Variants in MTARC2 observed in about 807,000 individuals in gnomAD.
MTARC2 encodes the protein MOCO sulphurase C-terminal domain containing 2.
Under a neutral mutation model 35.6 loss-of-function variants are expected in MTARC2, and 27 were observed. The ratio of observed to expected loss-of-function variants is 0.76; its 90% confidence interval spans 0.56 to 1.04. MTARC2 has a LOEUF of 1.04. Among genes scored for constraint, MTARC2 ranks in the 50% least tolerant of loss-of-function variants. The pLI, the probability that MTARC2 is intolerant of heterozygous loss-of-function variation, is 0.00. For missense variants in MTARC2, 412 were observed against 432.5 expected, an observed-to-expected ratio of 0.95 and a Z score of 0.42; for synonymous variants, 158 against 167.1, an observed-to-expected ratio of 0.95 and a Z score of 0.42.
rs1162908177 is a variant in MTARC2, at chr1:220,748,504, G to A, written c.-28G>A. On this transcript the variant is annotated 5_prime_UTR_variant, in exon 1 of 8. Transcript: ENST00000366913. ...TCTCCGGTCGCTGCCGGGTCTGTGC[G>A]CCGGTCCGCGCCCGCCCTCGCTCTG... 10 of 1,372,950 alleles carry A rather than the reference G, an allele frequency of 7.3e-6. No individual in the cohort carries two copies. Among genetic ancestry groups the A allele is most frequent in the Non-Finnish European group, 8.4e-6 (9 of 1,074,360 alleles). 85.0% of individuals were successfully genotyped at this position (1,372,950 alleles called of 1,614,324 possible). A position where few individuals can be genotyped will look rare whatever the true frequency, so the allele number is the denominator to read the frequency against.
At position 220,748,680 on chromosome 1, in the gene MTARC2, G is replaced by A. The variant is rs760157315; in HGVS notation, c.149G>A (p.Arg50Gln). The stretch of plus-strand genomic sequence containing the variant: ...CGCGCATGGCCCAGGCGGCGCCGGC[G>A]GCTGCAGCAGGTGGGCACCGTGGCG... ...WRRAWPRRRR[R>Q]LQQVGTVAKL... The change falls in exon 1 of 8, where the codon CGG becomes CAG. Residue 50 changes from arginine (R) to glutamine (Q), a missense_variant. Transcript: ENST00000366913. The A allele has an allele frequency of 6.3e-7, 1 of 1,585,982 alleles. No homozygotes were observed. Among genetic ancestry groups the A allele is most frequent in the East Asian group, 2.3e-5 (1 of 42,590 alleles).
intron 4 of MTARC2, among the ~76,000 whole-genome samples, chr1:220,763,376 C>A (rs533581095): frequency 6.6e-6 from 1 of 152,158 alleles, no homozygotes; most frequent in South Asian, 2.1e-4. Context: ...AAAGATAAAG[C>A]CATTTTCCAC....
intron 1 of MTARC2, among the ~76,000 whole-genome samples, chr1:220,751,843 A>G (rs1469471749): frequency 6.6e-6 from 1 of 152,194 alleles, no homozygotes; most frequent in African/African-American, 2.4e-5. Context: ...GATGAAATCT[A>G]TGCTCCAGAC....
Position 220,784,151 on chromosome 1 carries a change from T to C in MTARC2, c.*264T>C. The C allele has an allele frequency of 2.1e-6, 1 of 484,516 alleles. No individual in the cohort carries two copies. Among genetic ancestry groups the C allele is most frequent in the Non-Finnish European group, 3.7e-6 (1 of 269,138 alleles). The allele number at this position is 484,516 out of a possible 1,614,324, so 30.0% of individuals were successfully genotyped here. ...AAGGCTTTAAAAATAATTAAGATCA[T>C]CAAAAATGCTATTTTGAATGTTATC... is the stretch of plus-strand genomic sequence containing the variant. On this transcript the variant is annotated 3_prime_UTR_variant, in exon 8 of 8. Coordinates refer to ENST00000366913, the MANE Select transcript of MTARC2 (RefSeq NM_017898.5).
At chr1:220,759,124 CTT>C (rs1558066064) in intron 2 of MTARC2, among the ~76,000 whole-genome samples, 1 of 152,068 alleles carries the variant, frequency 6.6e-6, no homozygotes, top group African/African-American at 2.4e-5. Context: ...CTTAAAAACA[CTT>C]TTTTTGTTTG....
intron 6 of MTARC2, 107 bp downstream of exon 6, chr1:220,780,346 C>T (rs1028658529): frequency 2.4e-5 from 22 of 930,702 alleles, no homozygotes; most frequent in Admixed American, 1.9e-4. Context: ...CCTTTCTCTC[C>T]GGAGAACCTT....
chr1:220,748,897 A>G (rs1671058452), intron 1 of MTARC2, 94 bp downstream of exon 1: 3 of 1,370,698 alleles, frequency 2.2e-6, no homozygotes, highest in South Asian at 3.3e-5. Context: ...GAAGGACTAT[A>G]GAGGTTTGCC....
chr1:220,770,396 T>C, intron 4 of MTARC2: 2 of 985,412 alleles, frequency 2.0e-6, no homozygotes, highest in Non-Finnish European at 2.4e-6. Flanking sequence ...GGAGGAAGTG[T>C]GTCTTCAGAG....
At chr1:220,765,330 C>G (rs421736) in intron 4 of MTARC2, among the ~76,000 whole-genome samples, 58,274 of 152,062 alleles carry the variant, frequency 0.38, 14,685 homozygotes, top group East Asian at 0.76. Context: ...AGGGAGGCTG[C>G]ACTGGAGCTG....
At chr1:220,758,829 ATATG>A (rs1286759799) in intron 2 of MTARC2, among the ~76,000 whole-genome samples, 1 of 126,750 alleles carries the variant, frequency 7.9e-6, no homozygotes, top group African/African-American at 3.8e-5. Flanking sequence ...TGATGTGAAA[ATATG>A]TGTGTGTGTG....
At chr1:220,764,767 G>A (rs1447438628) in intron 4 of MTARC2, among the ~76,000 whole-genome samples, 4 of 148,128 alleles carry the variant, frequency 2.7e-5, no homozygotes, top group African/African-American at 7.5e-5. Flanking sequence ...GCGAGAACCT[G>A]TGTATTTAAA....
chr1:220,773,321 G>A (rs540960228), intron 4 of MTARC2, among the ~76,000 whole-genome samples: 14 of 152,328 alleles, frequency 9.2e-5, no homozygotes, highest in Middle Eastern at 3.4e-3. Flanking sequence ...AGTTCTGGGA[G>A]GGTGGTGCAC....
chr1:220,749,591 C>A (rs868551730), intron 1 of MTARC2, among the ~76,000 whole-genome samples: 18 of 151,970 alleles, frequency 1.2e-4, no homozygotes, highest in African/African-American at 4.1e-4. Flanking sequence ...CCACCACGCC[C>A]GGCTAATTTT....
intron 4 of MTARC2, among the ~76,000 whole-genome samples, chr1:220,774,943 C>CTGTGAGAGTGTGTGTG (rs1279896618): frequency 2.5e-4 from 38 of 149,998 alleles, no homozygotes; most frequent in African/African-American, 8.1e-4. Context: ...CTATATAGAC[C>CTGTGAGAGTGTGTGTG]CGTGTGTGTG....
chr1:220,767,342 A>C (rs1671607195), intron 4 of MTARC2, among the ~76,000 whole-genome samples: 1 of 152,234 alleles, frequency 6.6e-6, no homozygotes, highest in Non-Finnish European at 1.5e-5. Context: ...TTAATCATTA[A>C]AAATTAGCAA....
chr1:220,769,420 G>C (rs1671673915), intron 4 of MTARC2, among the ~76,000 whole-genome samples: 1 of 152,142 alleles, frequency 6.6e-6, no homozygotes, highest in African/African-American at 2.4e-5. Flanking sequence ...GCTGCACATC[G>C]GGCCAGCGGA....
rs57776178 is a variant in MTARC2 at position 220,771,296 on chromosome 1, C to CAAAAAAAAAAAAA, written c.750+8257_750+8269dup. Reference sequence around the variant, plus strand: ...CCTTGGTGACAGAGTGAGACTGTCTCAAAAAAAAAAAAAAAAAAAAAAAGC... The same window carrying CAAAAAAAAAAAAA: ...CCTTGGTGACAGAGTGAGACTGTCTCAAAAAAAAAAAAAAAAAAAAAAAAAAAAAAAAAAAAGC... On this transcript the variant is annotated intron_variant, in intron 4 of 7. Coordinates refer to ENST00000366913, the MANE Select transcript of MTARC2 (RefSeq NM_017898.5). 1.9e-4 allele frequency among the ~76,000 whole-genome samples: 11 copies of CAAAAAAAAAAAAA among 57,106 alleles called. 2 individuals are homozygous for CAAAAAAAAAAAAA. Among genetic ancestry groups the CAAAAAAAAAAAAA allele is most frequent in the African/African-American group, 7.5e-4 (11 of 14,666 alleles). The allele number at this position is 57,106 out of a possible 152,430, so 37.5% of individuals were successfully genotyped here. A position where few individuals can be genotyped will look rare whatever the true frequency, so the allele number is the denominator to read the frequency against.
chr1:220,751,098 A>G (rs1671113295), intron 1 of MTARC2, among the ~76,000 whole-genome samples: 1 of 152,172 alleles, frequency 6.6e-6, no homozygotes, highest in Admixed American at 6.5e-5. Flanking sequence ...CAATTTAATA[A>G]CACTACTACA....
At chr1:220,783,838 G>A (rs1043714687) in intron 7 of MTARC2, 81 bp from the exon 8 acceptor site, 3 of 716,118 alleles carry the variant, frequency 4.2e-6, no homozygotes, top group African/African-American at 3.5e-5. Flanking sequence ...CTCAATAAGT[G>A]ACTGTTTTGT....
Sources: gnomAD v4.1 joint callset for allele counts (sites outside exome capture counted in the v4.1 genomes callset) on GRCh38, gnomAD v4.1.1 for gene constraint, MANE v1.5 for transcripts, NCBI Gene and HGNC (gene_info 2026-07-23, HGNC 2026-07-21) for gene names.